MYO3B: variants seen among roughly 807,000 people sequenced by gnomAD.
MYO3B encodes myosin-IIIb.
Under a neutral mutation model 174.6 loss-of-function variants are expected in MYO3B, and 156 were observed. That is an observed-to-expected ratio of 0.89 (90% CI 0.78 to 1.02). MYO3B has a LOEUF of 1.02. Among genes scored for constraint, MYO3B ranks in the 50% least tolerant of loss-of-function variants. The probability of loss-of-function intolerance (pLI) is 0.00; values close to 1 mark genes in which losing one functional copy is unlikely to be tolerated. For synonymous variants in MYO3B, 563 were observed against 569.1 expected, an observed-to-expected ratio of 0.99 and a Z score of 0.15; for missense variants, 1,632 against 1,639.4, an observed-to-expected ratio of 1.00 and a Z score of 0.08.
intron 7 of MYO3B, among the ~76,000 whole-genome samples, chr2:170,296,043 C>G (rs989413489): frequency 6.6e-6 from 1 of 152,132 alleles, no homozygotes; most frequent in Admixed American, 6.6e-5. Context: ...ATAATGCCTA[C>G]TAATTTGAGA....
intron 16 of MYO3B, among the ~76,000 whole-genome samples, chr2:170,394,899 A>G (rs940803728): frequency 4.6e-5 from 7 of 152,266 alleles, no homozygotes; most frequent in Admixed American, 2.0e-4. Flanking sequence ...CTGATGTAAC[A>G]GAACTTTCTC....
intron 7 of MYO3B, among the ~76,000 whole-genome samples, chr2:170,250,621 C>T (rs757183118): frequency 8.5e-5 from 13 of 152,194 alleles, no homozygotes; most frequent in Non-Finnish European, 1.6e-4. Context: ...CTCAGTAGAT[C>T]CTCTGCCTTT....
At position 170,331,805 on chromosome 2, in the gene MYO3B, C is replaced by G. The variant is rs567297527; in HGVS notation, c.750-3580C>G. On this transcript the variant is annotated intron_variant, in intron 7 of 34. Coordinates refer to ENST00000408978, the MANE Select transcript of MYO3B (RefSeq NM_138995.5). The stretch of plus-strand genomic sequence containing the variant: ...GAGGCCCGTTTCCATCTTCCAGATG[C>G]TGCCTGCATTCCTTGGCTCATGGCC... Among the ~76,000 whole-genome samples the G allele has an allele frequency of 5.3e-5, 8 of 152,276 alleles. No individual in the cohort carries two copies. In the East Asian group the frequency reaches 1.5e-3, roughly 29 times the overall value.
At chr2:170,625,947 C>A (rs1459926074) in intron 32 of MYO3B, among the ~76,000 whole-genome samples, 2 of 152,000 alleles carry the variant, frequency 1.3e-5, no homozygotes, top group African/African-American at 4.8e-5. Flanking sequence ...GTTCTTTTAC[C>A]TCTGCTGAGG....
At chr2:170,189,016 T>C (rs1356582398) in intron 1 of MYO3B, among the ~76,000 whole-genome samples, 3 of 152,194 alleles carry the variant, frequency 2.0e-5, no homozygotes, top group African/African-American at 7.2e-5. Flanking sequence ...CCCTTTAGCA[T>C]TTATTGGAGG....
In MYO3B at chr2:170,499,765, G is replaced by C; in HGVS notation, c.3246G>C (p.Arg1082Ser). 6.2e-7 allele frequency: 1 copy of C among 1,614,036 alleles called. No homozygotes were observed. Among genetic ancestry groups the C allele is most frequent in the Non-Finnish European group, 8.5e-7 (1 of 1,179,926 alleles). Residue 1082 changes from arginine (R) to serine (S), a missense_variant, in exon 27 of 35, where the codon AGG becomes AGC. Coordinates refer to ENST00000408978, the MANE Select transcript of MYO3B (RefSeq NM_138995.5). ...KGWLGARRYK[R>S]VREKREKGAI... ...GGCTTGGAGCCAGGAGATACAAAAG[G>C]GTCAGAGAGAAGAGAGAGAAGGGAG... is the stretch of plus-strand genomic sequence containing the variant.
chr2:170,260,431 T>C (rs2093337117), intron 7 of MYO3B, among the ~76,000 whole-genome samples: 1 of 152,206 alleles, frequency 6.6e-6, no homozygotes, highest in Non-Finnish European at 1.5e-5. Context: ...GATGCTATTA[T>C]CCTAAGTGAA....
Position 170,236,285 on chromosome 2 carries a change from G to GC in MYO3B, c.749+149_749+150insC, listed in dbSNP as rs2093069662. ...TTTCTTTGAAAAAGCAAGGGGGGCT[G>GC]GGGGGGACAGAGAAGAGGATGTTCC... On this transcript the variant is annotated intron_variant, in intron 7 of 34. Coordinates refer to ENST00000408978, the MANE Select transcript of MYO3B (RefSeq NM_138995.5). 14 of 899,670 alleles carry GC rather than the reference G, an allele frequency of 1.6e-5. No homozygotes were observed. The South Asian group carries it at 2.3e-4, about 15-fold the overall frequency. 55.7% of individuals were successfully genotyped at this position (899,670 alleles called of 1,614,324 possible).
chr2:170,389,933 CT>C (rs2105761910), intron 14 of MYO3B, among the ~76,000 whole-genome samples: 1 of 152,314 alleles, frequency 6.6e-6, no homozygotes, highest in East Asian at 1.9e-4. Flanking sequence ...CCTGGACCCC[CT>C]CACTGGTTTC....
chr2:170,489,576 T>C (rs1404948861), intron 25 of MYO3B, among the ~76,000 whole-genome samples: 1 of 151,964 alleles, frequency 6.6e-6, no homozygotes. Context: ...TGGCTCTGTC[T>C]CCACAGTTTA....
At chr2:170,620,757 G>C (rs959408297) in intron 32 of MYO3B, among the ~76,000 whole-genome samples, 16 of 152,188 alleles carry the variant, frequency 1.1e-4, no homozygotes, top group African/African-American at 3.9e-4. Flanking sequence ...TCTCGTAACA[G>C]GCTGCAGCAA....
intron 32 of MYO3B, among the ~76,000 whole-genome samples, chr2:170,556,657 G>A (rs1691319957): frequency 6.6e-6 from 1 of 152,284 alleles, no homozygotes; most frequent in East Asian, 1.9e-4. Context: ...AAGTAGCTGG[G>A]ATTACAGGCA....
At chr2:170,417,307 C>T (rs2094587177) in intron 22 of MYO3B, among the ~76,000 whole-genome samples, 2 of 152,188 alleles carry the variant, frequency 1.3e-5, no homozygotes, top group African/African-American at 4.8e-5. Flanking sequence ...TCCATGCTAG[C>T]CTGTAAACAA....
intron 7 of MYO3B, among the ~76,000 whole-genome samples, chr2:170,293,929 A>G (rs760273672): frequency 6.6e-6 from 1 of 151,904 alleles, no homozygotes. Flanking sequence ...ATATGGAGGG[A>G]AAAAAATGAT....
At chr2:170,251,532 C>T (rs913160409) in intron 7 of MYO3B, among the ~76,000 whole-genome samples, 1 of 151,914 alleles carries the variant, frequency 6.6e-6, no homozygotes, top group African/African-American at 2.4e-5. Flanking sequence ...CAGGGTGGAC[C>T]CTAATTCAAT....
chr2:170,488,371 A>G (rs962387435), intron 25 of MYO3B, among the ~76,000 whole-genome samples: 2 of 152,170 alleles, frequency 1.3e-5, no homozygotes, highest in African/African-American at 4.8e-5. Flanking sequence ...CTACCCAGGT[A>G]TGAAGACTGC....
At position 170,383,776 on chromosome 2, in the gene MYO3B, G is replaced by A. The variant is rs764135337; in HGVS notation, c.1252G>A (p.Ala418Thr). Residue 418 changes from alanine (A) to threonine (T), a missense_variant, in exon 12 of 35, where the codon GCT becomes ACT. Ala to Thr is a moderately conservative substitution (Grantham distance 58). Transcript: ENST00000408978. The stretch of plus-strand genomic sequence containing the variant: ...CCCCCACATATTTGCATCAGCAGAT[G>A]CTGCTTACCAGTGCATGGTTACTCT... ...NPPHIFASAD[A>T]AYQCMVTLSK... 5 of 1,613,784 alleles carry A rather than the reference G, an allele frequency of 3.1e-6. No individual in the cohort carries two copies. The highest frequency in any genetic ancestry group is 4.2e-6 in the Non-Finnish European group (5 of 1,179,734).
At position 170,654,479 on chromosome 2, in the gene MYO3B, A is replaced by AAAT. The variant is rs1699180931; in HGVS notation, c.*1362_*1364dup. 6.6e-6 allele frequency: 1 copy of AAAT among 151,636 alleles called. No individual in the cohort carries two copies. The highest frequency in any genetic ancestry group is 1.5e-5 in the Non-Finnish European group (1 of 67,914). 9.4% of individuals were successfully genotyped at this position (151,636 alleles called of 1,614,324 possible). A position where few individuals can be genotyped will look rare whatever the true frequency, so the allele number is the denominator to read the frequency against. On this transcript the variant is annotated 3_prime_UTR_variant, in exon 35 of 35. Transcript: ENST00000408978. ...GGTGAAACCCCGTCTCTACTAAAAAAAATAATGATAATACAAAAATTAGCC... is the reference window on the plus strand; with the variant it reads ...GGTGAAACCCCGTCTCTACTAAAAAAAATAATAATGATAATACAAAAATTAGCC...
chr2:170,365,805 G>A (rs568105312), intron 8 of MYO3B, among the ~76,000 whole-genome samples: 2 of 152,176 alleles, frequency 1.3e-5, no homozygotes, highest in African/African-American at 4.8e-5. Context: ...AGACACACCC[G>A]ACAGCAATAA....
Sources: gnomAD v4.1 joint callset for allele counts (sites outside exome capture counted in the v4.1 genomes callset) on GRCh38, gnomAD v4.1.1 for gene constraint, MANE v1.5 for transcripts, NCBI Gene and HGNC (gene_info 2026-07-23, HGNC 2026-07-21) for gene names.